SLC9C1: variants seen among roughly 807,000 people sequenced by gnomAD.
SLC9C1 encodes the protein sodium/hydrogen exchanger 10.
Under a neutral mutation model 140.9 loss-of-function variants are expected in SLC9C1, and 97 were observed. The ratio of observed to expected loss-of-function variants is 0.69; its 90% confidence interval spans 0.58 to 0.82. SLC9C1 has a LOEUF of 0.82. SLC9C1 is among the 40% of genes least tolerant of loss of function. SLC9C1 has a pLI of 0.00. For synonymous variants in SLC9C1, 440 were observed against 442.6 expected (o/e 0.99, Z 0.07); for missense variants, 1,340 against 1,389.3 (o/e 0.96, Z 0.56).
intron 20 of SLC9C1, chr3:112,185,952 T>C: frequency 1.3e-6 from 2 of 1,562,918 alleles, no homozygotes; most frequent in Non-Finnish European, 1.7e-6. Context: ...TAGCTTGGGG[T>C]GGTGGGCGAC....
intron 6 of SLC9C1, among the ~76,000 whole-genome samples, chr3:112,271,550 TG>T (rs2080079200): frequency 6.6e-6 from 1 of 152,102 alleles, no homozygotes; most frequent in Non-Finnish European, 1.5e-5. Context: ...TATTTTCAAC[TG>T]CTAAAAGCCA....
chr3:112,210,399 T>C (rs138272630), intron 15 of SLC9C1, among the ~76,000 whole-genome samples: 68 of 152,314 alleles, frequency 4.5e-4, no homozygotes, highest in African/African-American at 9.6e-4. Context: ...CATTCTATTA[T>C]GTGGATGAAA....
At chr3:112,186,141 T>G in intron 20 of SLC9C1, 1 of 535,696 alleles carries the variant, frequency 1.9e-6, no homozygotes, top group South Asian at 5.2e-5. Context: ...AGTTCTTCAT[T>G]GGAAATATTT....
intron 26 of SLC9C1, among the ~76,000 whole-genome samples, chr3:112,163,714 G>C (rs199992871): frequency 6.6e-6 from 1 of 152,024 alleles, no homozygotes; most frequent in Non-Finnish European, 1.5e-5. Context: ...TTTTGGAATA[G>C]GTGTGGTGTG....
rs758098372 is a variant in SLC9C1, at chr3:112,270,066, C to T, written c.625G>A (p.Val209Met). 14 of 1,558,914 alleles carry T rather than the reference C, an allele frequency of 9.0e-6. No individual in the cohort carries two copies. Among genetic ancestry groups the T allele is most frequent in the Middle Eastern group, 1.7e-4 (1 of 5,896 alleles). The stretch of plus-strand genomic sequence containing the variant: ...ATAATATATGAACAAATTCCACCCA[C>T]GATCTCTTCAGCTACAAGAAAGGGG... Reference protein sequence around the residue: ...KRNHTLAEEIVGGICSYIIAS... With the variant: ...KRNHTLAEEIMGGICSYIIAS... The change falls in exon 7 of 29, where the codon GTG becomes ATG. Residue 209 changes from valine (V) to methionine (M), a missense_variant. Physicochemically the swap from Val to Met is conservative, Grantham distance 21. Transcript: ENST00000305815.
chr3:112,154,928 T>C, intron 27 of SLC9C1, 69 bp downstream of exon 27: 1 of 1,397,880 alleles, frequency 7.2e-7, no homozygotes, highest in Non-Finnish European at 9.9e-7. Context: ...AACACATTGG[T>C]AGTTTCCATA....
intron 6 of SLC9C1, 34 bp downstream of exon 6, chr3:112,274,863 G>A: frequency 6.8e-7 from 1 of 1,471,722 alleles, no homozygotes; most frequent in African/African-American, 1.4e-5. Context: ...ACAGGATTCT[G>A]ATGTTGAGAA....
At chr3:112,278,672 G>T in intron 4 of SLC9C1, 57 bp downstream of exon 4, 1 of 1,506,886 alleles carries the variant, frequency 6.6e-7, no homozygotes, top group Non-Finnish European at 8.8e-7. Flanking sequence ...TTAAAAATTT[G>T]AACATAGATA....
At chr3:112,282,308 A>C (rs1199776535) in intron 2 of SLC9C1, among the ~76,000 whole-genome samples, 2 of 152,266 alleles carry the variant, frequency 1.3e-5, no homozygotes, top group Non-Finnish European at 2.9e-5. Context: ...GTTTAGTCAA[A>C]CTACAAGTGG....
chr3:112,182,103 A>C (rs2077449742), intron 21 of SLC9C1, 30 bp downstream of exon 21: 1 of 1,383,942 alleles, frequency 7.2e-7, no homozygotes, highest in East Asian at 2.5e-5. Context: ...GTACATTAAA[A>C]ATATTATTAA....
At chr3:112,240,029 A>G in intron 11 of SLC9C1, 23 bp from the exon 12 acceptor site, 1 of 1,590,562 alleles carries the variant, frequency 6.3e-7, no homozygotes, top group East Asian at 2.3e-5. Flanking sequence ...CACACATTTG[A>G]TAAATAGTAG....
intron 20 of SLC9C1, among the ~76,000 whole-genome samples, chr3:112,198,469 G>T (rs1482188303): frequency 6.6e-6 from 1 of 151,770 alleles, no homozygotes; most frequent in African/African-American, 2.4e-5. Context: ...TGCTTGGAAT[G>T]CCACTTGTCG....
At chr3:112,292,323 A>T (rs1366532190) in intron 1 of SLC9C1, among the ~76,000 whole-genome samples, 1 of 152,198 alleles carries the variant, frequency 6.6e-6, no homozygotes, top group African/African-American at 2.4e-5. Context: ...TTACTCTTAA[A>T]TTCAGAGATA....
chr3:112,253,164 A>G (rs965681457), intron 10 of SLC9C1, among the ~76,000 whole-genome samples: 1 of 152,176 alleles, frequency 6.6e-6, no homozygotes, highest in African/African-American at 2.4e-5. Flanking sequence ...ATTGCACTGA[A>G]TGATTACTCA....
In SLC9C1 at chr3:112,167,297, A is replaced by G. The variant is rs76671067; in HGVS notation, c.3288T>C (p.Ile1096=). The G allele has an allele frequency of 6.1e-4, 976 of 1,608,662 alleles. 9 individuals are homozygous for G. In the East Asian group the frequency reaches 0.021, roughly 34 times the overall value. The change falls in exon 26 of 29, where the codon ATT becomes ATC. Residue 1096 remains isoleucine (I), a synonymous_variant. Transcript: ENST00000305815. ...TATTCCTTCTGAATGTTTTCATGTTAATCGGAGTTTGAATAATCACTACTT... is the reference window on the plus strand; with the variant it reads ...TATTCCTTCTGAATGTTTTCATGTTGATCGGAGTTTGAATAATCACTACTT... ...FTKVVIIQTP[I]NMKTFRRNIR... is the part of the protein sequence containing the mutation.
At chr3:112,214,892 CAG>C (rs1172707569) in intron 15 of SLC9C1, among the ~76,000 whole-genome samples, 1 of 141,588 alleles carries the variant, frequency 7.1e-6, no homozygotes, top group Non-Finnish European at 1.5e-5. Flanking sequence ...CAAAGCCTGG[CAG>C]AGACACAACA....
intron 16 of SLC9C1, among the ~76,000 whole-genome samples, chr3:112,205,000 G>A (rs1002414525): frequency 3.9e-5 from 6 of 152,020 alleles, no homozygotes; most frequent in African/African-American, 9.7e-5. Context: ...AAAAAAATTC[G>A]ATGCCCTCTC....
chr3:112,178,083 CTT>C (rs997863277), intron 23 of SLC9C1, among the ~76,000 whole-genome samples: 8 of 151,548 alleles, frequency 5.3e-5, no homozygotes, highest in African/African-American at 1.7e-4. Flanking sequence ...TATTATATCT[CTT>C]AAGTCCATTT....
At chr3:112,202,138 A>G in intron 18 of SLC9C1, 112 bp downstream of exon 18, 1 of 1,200,028 alleles carries the variant, frequency 8.3e-7, no homozygotes, top group Non-Finnish European at 1.2e-6. Flanking sequence ...TAAAGAAATG[A>G]ATTAGAAAAC....
Sources: allele counts gnomAD v4.1 joint callset (sites outside exome capture counted in the v4.1 genomes callset), GRCh38; gene constraint gnomAD v4.1.1; transcripts MANE v1.5; gene names NCBI Gene and HGNC (gene_info 2026-07-23, HGNC 2026-07-21).